PRKACA: variants seen among roughly 807,000 people sequenced by gnomAD.
PRKACA encodes cAMP-dependent protein kinase catalytic subunit alpha.
A neutral mutation model predicts 45.8 loss-of-function variants in PRKACA; 9 were observed. The ratio of observed to expected loss-of-function variants is 0.20; its 90% confidence interval spans 0.12 to 0.34. The LOEUF (loss-of-function observed/expected upper bound fraction) is 0.34, where lower values mean the gene tolerates loss of function less well. Ranked by LOEUF, PRKACA falls within the 10% of genes least tolerant of loss-of-function variation. The pLI, the probability that PRKACA is intolerant of heterozygous loss-of-function variation, is 1.00. For missense variants in PRKACA, 238 were observed against 458.6 expected, an observed-to-expected ratio of 0.52 and a Z score of 4.39; for synonymous variants, 160 against 178.6, an observed-to-expected ratio of 0.90 and a Z score of 0.83.
intron 8 of PRKACA, 81 bp from the exon 9 acceptor site, chr19:14,093,873 G>T: frequency 2.1e-6 from 3 of 1,402,680 alleles, no homozygotes; most frequent in Non-Finnish European, 2.9e-6. Context: ...TCCATCCAAC[G>T]GTCCTACTGG....
intron 1 of PRKACA, chr19:14,114,275 T>C (rs1967059154): frequency 1.1e-5 from 15 of 1,410,232 alleles, no homozygotes. Flanking sequence ...TAGGGAGCCG[T>C]GGGGTGGGAG....
chr19:14,101,216 T>C (rs894613937), intron 4 of PRKACA: 8 of 306,856 alleles, frequency 2.6e-5, no homozygotes, highest in African/African-American at 1.7e-4. Context: ...AATGGGATCA[T>C]GATAGGCTGC....
chr19:14,102,937 G>C, intron 3 of PRKACA, 23 bp from the exon 4 acceptor site: 2 of 1,576,518 alleles, frequency 1.3e-6, no homozygotes, highest in Non-Finnish European at 1.7e-6. Context: ...GGAGGGGAGG[G>C]CAGAAAGGAG....
Position 14,092,870 on chromosome 19 carries a change from A to G in PRKACA, c.*242T>C, listed in dbSNP as rs11541565. ...TGAGGGGCTGGGGGGCTGTGGGGAA[A>G]GAGGAAGGGAAAAGTGGGAGAGGGG... On this transcript the variant is annotated 3_prime_UTR_variant, in exon 10 of 10. Coordinates refer to ENST00000308677, the MANE Select transcript of PRKACA (RefSeq NM_002730.4). 0.026 allele frequency: 12,193 copies of G among 461,276 alleles called. 946 individuals are homozygous for G. Among genetic ancestry groups the G allele is most frequent in the African/African-American group, 0.19 (9,456 of 49,190 alleles). The allele number at this position is 461,276 out of a possible 1,614,324, so 28.6% of individuals were successfully genotyped here. A position where few individuals can be genotyped will look rare whatever the true frequency, so the allele number is the denominator to read the frequency against.
intron 1 of PRKACA, among the ~76,000 whole-genome samples, chr19:14,111,307 G>A (rs1259578390): frequency 6.6e-6 from 1 of 152,046 alleles, no homozygotes; most frequent in Non-Finnish European, 1.5e-5. Flanking sequence ...TGAGGCAGGA[G>A]AATTGCTTGA....
intron 1 of PRKACA, among the ~76,000 whole-genome samples, chr19:14,110,935 A>G (rs1966947327): frequency 6.6e-6 from 1 of 152,120 alleles, no homozygotes; most frequent in Non-Finnish European, 1.5e-5. Flanking sequence ...CAACCCCCTG[A>G]TGTTCCTGGG....
At chr19:14,111,597 CTTTG>C (rs1191166901) in intron 1 of PRKACA, among the ~76,000 whole-genome samples, 1 of 152,126 alleles carries the variant, frequency 6.6e-6, no homozygotes, top group African/African-American at 2.4e-5. Flanking sequence ...CTAGCAGAAC[CTTTG>C]TTTGAGTGTT....
At chr19:14,107,297 C>T in intron 2 of PRKACA, 51 bp downstream of exon 2, 1 of 1,544,140 alleles carries the variant, frequency 6.5e-7, no homozygotes, top group Non-Finnish European at 8.9e-7. Context: ...CAGCCAGGGG[C>T]TGGGGGTTAG....
rs778829250 is a variant in PRKACA at position 14,097,867 on chromosome 19, G to A, written c.443C>T (p.Ala148Val). Reference protein sequence around the residue: ...RFSEPHARFYAAQIVLTFEYL... With the variant: ...RFSEPHARFYVAQIVLTFEYL... ...CTCAAAGGTCAGGACGATCTGGGCCGCGTAGAAACGGGCATGGGGCTCACT... is the reference window on the plus strand; with the variant it reads ...CTCAAAGGTCAGGACGATCTGGGCCACGTAGAAACGGGCATGGGGCTCACT... Residue 148 changes from alanine (A) to valine (V), a missense_variant, in exon 6 of 10, where the codon GCG becomes GTG. By Grantham distance (64) the Ala-to-Val change is moderately conservative. Coordinates refer to ENST00000308677, the MANE Select transcript of PRKACA (RefSeq NM_002730.4). The surrounding 1 kb of genome is among the most constrained non-coding windows in gnomAD (Gnocchi z 5.4). 2.5e-6 allele frequency: 4 copies of A among 1,614,158 alleles called. No homozygotes were observed. Among genetic ancestry groups the A allele is most frequent in the Non-Finnish European group, 3.4e-6 (4 of 1,180,032 alleles).
chr19:14,100,095 G>A (rs559672842), intron 5 of PRKACA, among the ~76,000 whole-genome samples: 2 of 151,846 alleles, frequency 1.3e-5, no homozygotes, highest in African/African-American at 2.4e-5. Context: ...CGCCCGCCTC[G>A]GCCTCCCAAA....
intron 1 of PRKACA, among the ~76,000 whole-genome samples, chr19:14,112,969 G>A (rs1399118619): frequency 6.6e-6 from 1 of 152,048 alleles, no homozygotes; most frequent in Non-Finnish European, 1.5e-5. Context: ...GGCTTGGGGC[G>A]GGGGGCGACA....
chr19:14,095,415 C>A (rs1352872047), intron 8 of PRKACA, among the ~76,000 whole-genome samples: 1 of 145,248 alleles, frequency 6.9e-6, no homozygotes, highest in African/African-American at 2.6e-5. Flanking sequence ...GTGATCCGCC[C>A]GCCTCGGCCT....
At chr19:14,107,488 T>C (rs768140119) in intron 1 of PRKACA, 79 bp from the exon 2 acceptor site, 10 of 1,516,348 alleles carry the variant, frequency 6.6e-6, no homozygotes, top group Non-Finnish European at 9.1e-6. Context: ...GGGGAGATAC[T>C]TGGTGGAAAG....
chr19:14,111,485 G>A (rs1408944664), intron 1 of PRKACA, among the ~76,000 whole-genome samples: 2 of 152,200 alleles, frequency 1.3e-5, no homozygotes, highest in African/African-American at 4.8e-5. Context: ...GCGGAGAGGG[G>A]ATAGGCAATG....
At chr19:14,105,711 G>A (rs1977583075) in intron 3 of PRKACA, among the ~76,000 whole-genome samples, 1 of 152,034 alleles carries the variant, frequency 6.6e-6, no homozygotes, top group Admixed American at 6.6e-5. Flanking sequence ...TAGTAGCTGG[G>A]ACTACAGGCG....
chr19:14,110,804 G>A (rs989237803), intron 1 of PRKACA, among the ~76,000 whole-genome samples: 1 of 152,118 alleles, frequency 6.6e-6, no homozygotes, highest in Non-Finnish European at 1.5e-5. Flanking sequence ...GACTGATCAG[G>A]TCTGAGGTCA....
chr19:14,110,124 A>T (rs1162146638), intron 1 of PRKACA, among the ~76,000 whole-genome samples: 2 of 150,578 alleles, frequency 1.3e-5, no homozygotes, highest in Non-Finnish European at 3.0e-5. Context: ...AGCCTTGGCA[A>T]CATAGCAAGA....
chr19:14,107,020 G>A (rs1195332091), intron 2 of PRKACA, 132 bp from the exon 3 acceptor site: 10 of 1,206,980 alleles, frequency 8.3e-6, no homozygotes, highest in Non-Finnish European at 1.2e-5. Context: ...GGTGAGGACA[G>A]GGGGCGGAAA....
At chr19:14,107,640 G>T in intron 1 of PRKACA, 3 of 1,337,738 alleles carry the variant, frequency 2.2e-6, no homozygotes, top group Non-Finnish European at 2.9e-6. Flanking sequence ...AGAGTCTCAG[G>T]GGTCACTCGC....
Sources: gnomAD v4.1 joint callset for allele counts (sites outside exome capture counted in the v4.1 genomes callset) on GRCh38, gnomAD v4.1.1 for gene constraint, Gnocchi (gnomAD v3.1) non-coding constraint, MANE v1.5 for transcripts, NCBI Gene and HGNC (gene_info 2026-07-23, HGNC 2026-07-21) for gene names.